Variants in GABRB1 observed in about 807,000 individuals in gnomAD.
The protein encoded by GABRB1 is gamma-aminobutyric acid receptor subunit beta-1.
GABRB1 carries 17 observed loss-of-function variants against 51.6 expected under a neutral mutation model. That is an observed-to-expected ratio of 0.33 (90% CI 0.23 to 0.49). GABRB1 has a LOEUF of 0.49. Ranked by LOEUF, GABRB1 falls within the 20% of genes least tolerant of loss-of-function variation. GABRB1 has a pLI of 0.99. For missense variants in GABRB1, 410 were observed against 600.6 expected (o/e 0.68, Z 3.32); for synonymous variants, 247 against 218.9 (o/e 1.13, Z -1.14).
intron 3 of GABRB1, among the ~76,000 whole-genome samples, chr4:47,160,753 ATTATTTATTTATTTAT>A (rs3050706): frequency 2.4e-4 from 36 of 147,824 alleles, no homozygotes; most frequent in Non-Finnish European, 4.8e-4. Flanking sequence ...TAGTACTTTT[ATTATTTATTTATTTAT>A]TTATTTATTT....
At position 47,262,893 on chromosome 4, in the gene GABRB1, G is replaced by A. The variant is rs551006653; in HGVS notation, c.462-57234G>A. On this transcript the variant is annotated intron_variant, in intron 4 of 8. Coordinates refer to ENST00000295454, the MANE Select transcript of GABRB1 (RefSeq NM_000812.4). ...AAATGATGAGTTCATGTCCTTTGTAGGGACATGGATGAAGCTGGAAACCAT... is the reference window on the plus strand; with the variant it reads ...AAATGATGAGTTCATGTCCTTTGTAAGGACATGGATGAAGCTGGAAACCAT... Among the ~76,000 whole-genome samples, 1,381 of 152,020 alleles carry A rather than the reference G, an allele frequency of 9.1e-3. 20 individuals carry two copies. The highest frequency in any genetic ancestry group is 0.032 in the African/African-American group (1,325 of 41,438).
At chr4:47,158,780 T>C (rs192761496) in intron 3 of GABRB1, among the ~76,000 whole-genome samples, 3 of 152,204 alleles carry the variant, frequency 2.0e-5, no homozygotes, top group Non-Finnish European at 4.4e-5. Context: ...AATTCTTATA[T>C]AAACATCTCT....
At chr4:47,092,805 T>C (rs1440825271) in intron 3 of GABRB1, among the ~76,000 whole-genome samples, 2 of 151,926 alleles carry the variant, frequency 1.3e-5, no homozygotes, top group African/African-American at 4.8e-5. Context: ...AGTAGAGATG[T>C]GGTTTCGCCA....
intron 3 of GABRB1, among the ~76,000 whole-genome samples, chr4:47,131,417 CAAAG>C: frequency 6.6e-6 from 1 of 152,196 alleles, no homozygotes; most frequent in Non-Finnish European, 1.5e-5. Context: ...CTCGGCCTCC[CAAAG>C]TGCTGGGATT....
intron 3 of GABRB1, among the ~76,000 whole-genome samples, chr4:47,066,943 T>A (rs1727113559): frequency 6.6e-6 from 1 of 152,350 alleles, no homozygotes; most frequent in East Asian, 1.9e-4. Context: ...GTAGCTATAA[T>A]ATTACAAAAT....
chr4:47,127,591 C>T (rs1171992486), intron 3 of GABRB1, among the ~76,000 whole-genome samples: 2 of 151,630 alleles, frequency 1.3e-5, no homozygotes, highest in African/African-American at 4.8e-5. Context: ...GTTTCTCTCT[C>T]CTAGTGTCTT....
chr4:47,391,653 A>G (rs968543786), intron 5 of GABRB1, among the ~76,000 whole-genome samples: 1 of 152,220 alleles, frequency 6.6e-6, no homozygotes, highest in Non-Finnish European at 1.5e-5. Context: ...GCCCAGACTT[A>G]CCTGTAAGGC....
chr4:47,298,646 A>T (rs931304143), intron 4 of GABRB1, among the ~76,000 whole-genome samples: 1 of 152,150 alleles, frequency 6.6e-6, no homozygotes, highest in Non-Finnish European at 1.5e-5. Context: ...TCAATATCGT[A>T]AAAATGGCCA....
intron 4 of GABRB1, among the ~76,000 whole-genome samples, chr4:47,274,016 T>C (rs1722977357): frequency 1.3e-5 from 2 of 152,134 alleles, no homozygotes; most frequent in South Asian, 2.1e-4. Context: ...CAAGTATTTA[T>C]ATACATACAT....
intron 4 of GABRB1, among the ~76,000 whole-genome samples, chr4:47,203,644 G>C (rs760276794): frequency 1.2e-4 from 18 of 152,068 alleles, no homozygotes; most frequent in Non-Finnish European, 2.5e-4. Flanking sequence ...GAGGTGTCCT[G>C]CTTGCTGGTG....
chr4:47,382,218 C>G (rs993416287), intron 5 of GABRB1, among the ~76,000 whole-genome samples: 2 of 152,146 alleles, frequency 1.3e-5, no homozygotes, highest in Non-Finnish European at 2.9e-5. Flanking sequence ...TCAACATCAG[C>G]AATATTGACA....
At chr4:47,157,334 G>T (rs1337344937) in intron 3 of GABRB1, among the ~76,000 whole-genome samples, 1 of 151,966 alleles carries the variant, frequency 6.6e-6, no homozygotes, top group East Asian at 1.9e-4. Flanking sequence ...CTTGCACTTT[G>T]GACTAATGAA....
chr4:47,222,328 G>A (rs1263325093), intron 4 of GABRB1, among the ~76,000 whole-genome samples: 2 of 152,108 alleles, frequency 1.3e-5, no homozygotes, highest in East Asian at 1.9e-4. Flanking sequence ...TCTGTGGCAC[G>A]TTGCTACAGT....
intron 5 of GABRB1, among the ~76,000 whole-genome samples, chr4:47,401,531 G>C (rs1212918813): frequency 6.6e-6 from 1 of 152,134 alleles, no homozygotes; most frequent in African/African-American, 2.4e-5. Context: ...CCAGTCCCTA[G>C]GTTCTCTCTA....
chr4:47,009,048 T>C (rs2109437974), intron 1 of GABRB1, among the ~76,000 whole-genome samples: 1 of 148,178 alleles, frequency 6.7e-6, no homozygotes, highest in South Asian at 2.2e-4. Context: ...TATTTTTTAG[T>C]AGAGACGGGG....
chr4:47,338,770 C>A (rs1300987410), intron 5 of GABRB1, among the ~76,000 whole-genome samples: 1 of 152,180 alleles, frequency 6.6e-6, no homozygotes, highest in African/African-American at 2.4e-5. Context: ...GAATTTAGCT[C>A]ACAGTTCCTC....
At chr4:47,343,232 A>C (rs983890979) in intron 5 of GABRB1, among the ~76,000 whole-genome samples, 1 of 152,246 alleles carries the variant, frequency 6.6e-6, no homozygotes, top group East Asian at 1.9e-4. Context: ...TTTGGAGGAA[A>C]TGGGACTTGA....
chr4:47,354,379 G>T lies in GABRB1; in HGVS notation c.544+34170G>T, dbSNP rs542164073. 4.6e-5 allele frequency among the ~76,000 whole-genome samples: 7 copies of T among 152,214 alleles called. No individual in the cohort carries two copies. The South Asian group carries it at 1.5e-3, about 32-fold the overall frequency. The stretch of plus-strand genomic sequence containing the variant: ...GTAAATTCCCTTTCCTGCACAACTT[G>T]GCTTGTTTCCCATTATTAAATTATT... On this transcript the variant is annotated intron_variant, in intron 5 of 8. Coordinates refer to ENST00000295454, the MANE Select transcript of GABRB1 (RefSeq NM_000812.4).
chr4:47,425,480 T>TGATTAGATA (rs1553884617), intron 8 of GABRB1, among the ~76,000 whole-genome samples, 194 bp from the exon 9 acceptor site: 2 of 142,318 alleles, frequency 1.4e-5, no homozygotes, highest in Admixed American at 1.4e-4. Flanking sequence ...TGGATGATGA[T>TGATTAGATA]GATAGATAGA....
Sources: allele counts gnomAD v4.1 joint callset (sites outside exome capture counted in the v4.1 genomes callset), GRCh38; gene constraint gnomAD v4.1.1; transcripts MANE v1.5; gene names NCBI Gene and HGNC (gene_info 2026-07-23, HGNC 2026-07-21).